Variants in KNL1 observed in about 807,000 individuals in gnomAD.
The protein encoded by KNL1 is kinetochore scaffold 1.
In KNL1, 66 loss-of-function variants were observed where a neutral mutation model predicts 201.3. The observed-to-expected ratio is 0.33, with a 90% CI of 0.27 to 0.40. The LOEUF (loss-of-function observed/expected upper bound fraction) is 0.40, where lower values mean the gene tolerates loss of function less well. Among genes scored for constraint, KNL1 ranks in the 10% least tolerant of loss-of-function variants. The pLI is 1.00. For synonymous variants in KNL1, 895 were observed against 899.2 expected, an observed-to-expected ratio of 1.00 and a Z score of 0.08; for missense variants, 2,815 against 2,690.5, an observed-to-expected ratio of 1.05 and a Z score of -1.02.
chr15:40,601,141 G>C (rs1168738979), intron 1 of KNL1, among the ~76,000 whole-genome samples: 1 of 152,174 alleles, frequency 6.6e-6, no homozygotes, highest in Non-Finnish European at 1.5e-5. Flanking sequence ...CCTTCTGTCG[G>C]ATCAGCAGTG....
chr15:40,630,394 A>G (rs1353190826), intron 13 of KNL1, among the ~76,000 whole-genome samples: 1 of 152,204 alleles, frequency 6.6e-6, no homozygotes, highest in African/African-American at 2.4e-5. Flanking sequence ...TAGAACTTAT[A>G]AAAGAACCAA....
intron 16 of KNL1, among the ~76,000 whole-genome samples, chr15:40,646,216 A>G (rs931372995): frequency 1.3e-5 from 2 of 152,198 alleles, no homozygotes; most frequent in Admixed American, 1.3e-4. Flanking sequence ...TGCAAGCAAT[A>G]TGCCCTTTCA....
chr15:40,611,167 G>A (rs1892147187), intron 6 of KNL1, among the ~76,000 whole-genome samples: 2 of 151,288 alleles, frequency 1.3e-5, no homozygotes, highest in South Asian at 4.2e-4. Context: ...AGAGTGCAGT[G>A]GTGCGATCTC....
rs1892679472 is a variant in KNL1 at position 40,624,714 on chromosome 15, C to A, written c.4450C>A (p.Pro1484Thr). 1 of 1,613,230 alleles carries A rather than the reference C, an allele frequency of 6.2e-7. No homozygotes were observed. The highest frequency in any genetic ancestry group is 8.5e-7 in the Non-Finnish European group (1 of 1,179,754). Residue 1484 changes from proline to threonine, a missense_variant, in exon 10 of 26, where the codon CCC (proline) becomes ACC (threonine). Physicochemically the swap from Pro to Thr is conservative, Grantham distance 38. Around this residue, in one of 3 missense-constraint regions of KNL1, gnomAD observed 2,464 missense variants for 2,291.7 expected, o/e 1.08. Coordinates refer to ENST00000399668, the MANE Select transcript of KNL1 (RefSeq NM_144508.5). ...AAATATTATAGAAAATTCCTCTGCA[C>A]CCATATGTGAAAACAAGCCCAAAAT... ...SLNIIENSSAPICENKPKILN... is the reference protein window; with the variant it reads ...SLNIIENSSATICENKPKILN...
intron 4 of KNL1, among the ~76,000 whole-genome samples, chr15:40,606,698 A>C (rs1395558304): frequency 2.0e-5 from 3 of 152,220 alleles, no homozygotes; most frequent in Non-Finnish European, 1.5e-5. Context: ...TCCTGGGCTC[A>C]ATCAATCTTC....
intron 13 of KNL1, among the ~76,000 whole-genome samples, chr15:40,634,955 G>T (rs1407662297): frequency 6.6e-6 from 1 of 152,020 alleles, no homozygotes; most frequent in Non-Finnish European, 1.5e-5. Flanking sequence ...CTTCGGGAAA[G>T]AAGTTGAAAA....
intron 17 of KNL1, among the ~76,000 whole-genome samples, chr15:40,647,778 A>C (rs1185649222): frequency 2.0e-5 from 3 of 152,188 alleles, no homozygotes; most frequent in Non-Finnish European, 4.4e-5. Flanking sequence ...AGCATTTGAC[A>C]CTGATGACTG....
intron 24 of KNL1, among the ~76,000 whole-genome samples, chr15:40,658,561 C>CAAAAAAAAAAAAAA (rs35180053): frequency 1.3e-5 from 1 of 74,170 alleles, no homozygotes; most frequent in Non-Finnish European, 2.4e-5. Context: ...GAATCTGTCT[C>CAAAAAAAAAAAAAA]AAAAAAAAAA....
rs767771900 is a variant in KNL1 at position 40,622,484 on chromosome 15, A to G, written c.2220A>G (p.Leu740=). The change falls in exon 10 of 26, where the codon TTA becomes TTG. Residue 740 remains leucine (L), a synonymous_variant. Coordinates refer to ENST00000399668, the MANE Select transcript of KNL1 (RefSeq NM_144508.5). ...TGGCTGAGCCACTGAGGAAAAGTTT[A>G]AGCAATCCCACACCTGACTATTGCC... ...SKLAEPLRKS[L]SNPTPDYCHD... 1 of 1,614,034 alleles carries G rather than the reference A, an allele frequency of 6.2e-7. No homozygotes were observed. Among genetic ancestry groups the G allele is most frequent in the East Asian group, 2.2e-5 (1 of 44,872 alleles).
Position 40,599,270 on chromosome 15 carries a change from G to A in KNL1, c.-17-3645G>A, listed in dbSNP as rs575792806. Among the ~76,000 whole-genome samples, 18 of 144,772 alleles carry A rather than the reference G, an allele frequency of 1.2e-4. 1 individual carries two copies. The highest frequency in any genetic ancestry group is 8.9e-4 in the South Asian group (4 of 4,518). 95.0% of individuals were successfully genotyped at this position (144,772 alleles called of 152,430 possible). On this transcript the variant is annotated intron_variant, in intron 1 of 25. Transcript: ENST00000399668. ...AGAGGTTGCAGTGAGCCAAAATTGC[G>A]TCACTGCACTCCAGCCTGGGTCACA...
chr15:40,639,522 T>C (rs1595937791), intron 13 of KNL1, among the ~76,000 whole-genome samples: 2 of 146,008 alleles, frequency 1.4e-5, no homozygotes, highest in African/African-American at 5.1e-5. Flanking sequence ...GAGGTGGAGG[T>C]TGCAATGAGC....
intron 16 of KNL1, among the ~76,000 whole-genome samples, chr15:40,646,193 G>A (rs1157339819): frequency 1.3e-5 from 2 of 152,148 alleles, no homozygotes; most frequent in Non-Finnish European, 2.9e-5. Context: ...TGGCAAGTAA[G>A]TATGGGAAAT....
chr15:40,600,895 A>T (rs1334732649), intron 1 of KNL1, among the ~76,000 whole-genome samples: 1 of 152,246 alleles, frequency 6.6e-6, no homozygotes, highest in African/African-American at 2.4e-5. Flanking sequence ...ACTGAGTGAA[A>T]TTTAAAGCAT....
chr15:40,606,494 G>A (rs1282348999), intron 4 of KNL1, 42 bp downstream of exon 4: 2 of 1,115,132 alleles, frequency 1.8e-6, no homozygotes, highest in Non-Finnish European at 2.7e-6. Context: ...ACTATTTTCA[G>A]TTATATTTTT....
chr15:40,612,056 G>A (rs571816017), intron 7 of KNL1, among the ~76,000 whole-genome samples: 13 of 152,174 alleles, frequency 8.5e-5, no homozygotes, highest in African/African-American at 2.9e-4. Context: ...AGTGGCTTAC[G>A]CCTGTAAACC....
chr15:40,620,540 T>C (rs1555420196), intron 9 of KNL1, 100 bp from the exon 10 acceptor site: 3 of 671,324 alleles, frequency 4.5e-6, no homozygotes, highest in South Asian at 5.1e-5. Context: ...CAACGTGTTA[T>C]GAAACCATCA....
At chr15:40,642,524 G>A (rs1893261846) in intron 14 of KNL1, among the ~76,000 whole-genome samples, 1 of 152,142 alleles carries the variant, frequency 6.6e-6, no homozygotes, top group South Asian at 2.1e-4. Context: ...ACTATACTAT[G>A]CACTGGGGTT....
chr15:40,617,776 T>C (rs1892388845), intron 8 of KNL1, among the ~76,000 whole-genome samples: 1 of 152,082 alleles, frequency 6.6e-6, no homozygotes, highest in South Asian at 2.1e-4. Context: ...AGCTACCCCA[T>C]AGGCAGTGTG....
intron 13 of KNL1, among the ~76,000 whole-genome samples, chr15:40,630,185 T>C (rs905723817): frequency 6.6e-6 from 1 of 152,200 alleles, no homozygotes; most frequent in African/African-American, 2.4e-5. Context: ...ATAGAATATT[T>C]GAATAATACA....
Sources: gnomAD v4.1 joint callset for allele counts (sites outside exome capture counted in the v4.1 genomes callset) on GRCh38, gnomAD v4.1.1 for gene constraint, gnomAD v4.1.1 regional missense constraint, MANE v1.5 for transcripts, NCBI Gene and HGNC (gene_info 2026-07-23, HGNC 2026-07-21) for gene names.